Variants in EIF3F observed in about 807,000 individuals in gnomAD.
EIF3F encodes the protein eukaryotic translation initiation factor 3 subunit F.
In EIF3F, 8 loss-of-function variants were observed where a neutral mutation model predicts 36.0. The observed-to-expected ratio is 0.22, with a 90% CI of 0.13 to 0.40. The LOEUF (loss-of-function observed/expected upper bound fraction) is 0.40, where lower values mean the gene tolerates loss of function less well. Ranked by LOEUF, EIF3F falls within the 10% of genes least tolerant of loss-of-function variation. The pLI, the probability that EIF3F is intolerant of heterozygous loss-of-function variation, is 1.00. For synonymous variants in EIF3F, 184 were observed against 188.5 expected (o/e 0.98, Z 0.19); for missense variants, 430 against 467.6 (o/e 0.92, Z 0.74).
chr11:7,995,647 G>T, intron 7 of EIF3F: 1 of 580,260 alleles, frequency 1.7e-6, no homozygotes, highest in Non-Finnish European at 3.1e-6. Flanking sequence ...AAAATTCAGA[G>T]GTTAATGAAA....
intron 1 of EIF3F, among the ~76,000 whole-genome samples, chr11:7,988,157 A>G (rs948320020): frequency 1.3e-5 from 2 of 152,200 alleles, no homozygotes; most frequent in African/African-American, 4.8e-5. Flanking sequence ...CACTGACTAA[A>G]TGTCATCGTT....
In EIF3F at chr11:7,995,234, G is replaced by A. The variant is rs545828639; in HGVS notation, c.883-20G>A. On this transcript the variant is annotated intron_variant, in intron 6 of 7. Coordinates refer to ENST00000651655, the MANE Select transcript of EIF3F (RefSeq NM_003754.3). Reference sequence around the variant, plus strand: ...TGGTTATAATTAACTGCCTCATCGAGTCTTTGTTTTGGTACTCAGTCTGGA... The same window carrying A: ...TGGTTATAATTAACTGCCTCATCGAATCTTTGTTTTGGTACTCAGTCTGGA... 2 of 1,611,890 alleles carry A rather than the reference G, an allele frequency of 1.2e-6. No individual in the cohort carries two copies. Among genetic ancestry groups the A allele is most frequent in the African/African-American group, 2.7e-5 (2 of 75,012 alleles).
Position 7,996,195 on chromosome 11 carries a change from C to A in EIF3F, c.*173C>A. 1 of 584,272 alleles carries A rather than the reference C, an allele frequency of 1.7e-6. No homozygotes were observed. The highest frequency in any genetic ancestry group is 2.3e-5 in the South Asian group (1 of 43,158). 36.2% of individuals were successfully genotyped at this position (584,272 alleles called of 1,614,324 possible). A position where few individuals can be genotyped will look rare whatever the true frequency, so the allele number is the denominator to read the frequency against. The stretch of plus-strand genomic sequence containing the variant: ...AATTTCATCTTATGTGAGTTTATTG[C>A]CGGGTGGAAGGGAGGAAAATGTTTT... On this transcript the variant is annotated 3_prime_UTR_variant, in exon 8 of 8. Coordinates refer to ENST00000651655, the MANE Select transcript of EIF3F (RefSeq NM_003754.3).
In EIF3F at chr11:7,997,773, T is replaced by G. The variant is rs1051894461; in HGVS notation, c.*1751T>G. On this transcript the variant is annotated 3_prime_UTR_variant, in exon 8 of 8. Transcript: ENST00000651655. The stretch of plus-strand genomic sequence containing the variant: ...ACTTGTTTAGACATGCGGTTGGCTG[T>G]CTGTATATGTGGGTTCCACATCTAT... The G allele has an allele frequency of 3.9e-5, 6 of 152,206 alleles. No homozygotes were observed. Among genetic ancestry groups the G allele is most frequent in the Non-Finnish European group, 2.9e-5 (2 of 68,022 alleles). The allele number at this position is 152,206 out of a possible 1,614,324, so 9.4% of individuals were successfully genotyped here.
At position 7,998,375 on chromosome 11, in the gene EIF3F, A is replaced by C. The variant is rs986121433; in HGVS notation, c.*2353A>C. 2.0e-5 allele frequency: 3 copies of C among 152,268 alleles called. No homozygotes were observed. Among genetic ancestry groups the C allele is most frequent in the Non-Finnish European group, 4.4e-5 (3 of 68,064 alleles). The allele number at this position is 152,268 out of a possible 1,614,324, so 9.4% of individuals were successfully genotyped here. ...GCTTACCTCAGTTTCTCCAGGCGGC[A>C]CATCACAGTCTTCTTGCACTTAGGA... On this transcript the variant is annotated 3_prime_UTR_variant, in exon 8 of 8. Transcript: ENST00000651655.
At position 7,997,136 on chromosome 11, in the gene EIF3F, G is replaced by A. The variant is rs1032750806; in HGVS notation, c.*1114G>A. 6.6e-6 allele frequency: 1 copy of A among 152,190 alleles called. No individual in the cohort carries two copies. Among genetic ancestry groups the A allele is most frequent in the East Asian group, 1.9e-4 (1 of 5,206 alleles). The allele number at this position is 152,190 out of a possible 1,614,324, so 9.4% of individuals were successfully genotyped here. On this transcript the variant is annotated 3_prime_UTR_variant, in exon 8 of 8. Transcript: ENST00000651655. ...ATGTACCTCAGGAAATATAAGTTAT[G>A]GGAGTCATAAAGTGTGGATAGTAAT...
Position 7,994,563 on chromosome 11 carries a change from A to G in EIF3F, c.745+46A>G, listed in dbSNP as rs781502960. ...CTCGCGAGAGGCCATAGGCATTTTCAGGGAAGGGGGCTGCTAGTCTGCAAC... is the reference window on the plus strand; with the variant it reads ...CTCGCGAGAGGCCATAGGCATTTTCGGGGAAGGGGGCTGCTAGTCTGCAAC... On this transcript the variant is annotated intron_variant, in intron 5 of 7. Transcript: ENST00000651655. 1.9e-6 allele frequency: 3 copies of G among 1,563,154 alleles called. No homozygotes were observed. The South Asian group carries it at 3.4e-5, about 18-fold the overall frequency.
chr11:7,994,964 G>A lies in EIF3F; in HGVS notation c.746-18G>A, dbSNP rs1942144120. ...TGCCCACCACTGCCGCTGCCACCCTGCCAACCAACTTCCATAGTTGACCTG... is the reference window on the plus strand; with the variant it reads ...TGCCCACCACTGCCGCTGCCACCCTACCAACCAACTTCCATAGTTGACCTG... On this transcript the variant is annotated intron_variant, in intron 5 of 7. Coordinates refer to ENST00000651655, the MANE Select transcript of EIF3F (RefSeq NM_003754.3). The A allele has an allele frequency of 6.2e-7, 1 of 1,610,646 alleles. No homozygotes were observed. Among genetic ancestry groups the A allele is most frequent in the East Asian group, 2.2e-5 (1 of 44,818 alleles).
intron 5 of EIF3F, 62 bp downstream of exon 5, chr11:7,994,579 A>G: frequency 6.7e-7 from 1 of 1,494,894 alleles, no homozygotes. Context: ...GGGGGCTGCT[A>G]GTCTGCAACA....
In EIF3F at chr11:7,995,397, C is replaced by T. The variant is rs773615356; in HGVS notation, c.996+30C>T. ...GTGCCCTTCCTGAGCCCCTTCTTGC[C>T]TGGTTTCTTCCCCCACCTCAGCACA... On this transcript the variant is annotated intron_variant, in intron 7 of 7. Transcript: ENST00000651655. 5 of 1,556,306 alleles carry T rather than the reference C, an allele frequency of 3.2e-6. No individual in the cohort carries two copies. In the South Asian group the frequency reaches 5.6e-5, roughly 17 times the overall value.
At chr11:7,995,859 G>C (rs1942154401) in intron 7 of EIF3F, 86 bp from the exon 8 acceptor site, 1 of 1,027,758 alleles carries the variant, frequency 9.7e-7, no homozygotes, top group Admixed American at 1.7e-5. Context: ...CTCATACCCA[G>C]TGTCTACCAT....
At position 7,999,561 on chromosome 11, in the gene EIF3F, A is replaced by C. The variant is rs1002086467; in HGVS notation, c.*3539A>C. On this transcript the variant is annotated 3_prime_UTR_variant, in exon 8 of 8. Transcript: ENST00000651655. ...CTCCAAAAAATCCCTGCAGAGGGAA[A>C]CTAGCCCTTCCAGATATAAAATATA... 3 of 152,260 alleles carry C rather than the reference A, an allele frequency of 2.0e-5. No individual in the cohort carries two copies. The highest frequency in any genetic ancestry group is 7.2e-5 in the African/African-American group (3 of 41,470). The allele number at this position is 152,260 out of a possible 1,614,324, so 9.4% of individuals were successfully genotyped here.
At chr11:7,987,758 C>A in intron 1 of EIF3F, 42 bp downstream of exon 1, 1 of 1,452,864 alleles carries the variant, frequency 6.9e-7, no homozygotes. Flanking sequence ...CTTCCTCCCA[C>A]TTCTCATTTA....
intron 3 of EIF3F, 79 bp downstream of exon 3, chr11:7,992,242 C>G (rs977378925): frequency 9.8e-6 from 12 of 1,228,664 alleles, no homozygotes; most frequent in South Asian, 1.3e-5. Flanking sequence ...TGGACTGGAT[C>G]TTATACTCTT....
chr11:7,987,917 C>T, intron 1 of EIF3F: 1 of 733,248 alleles, frequency 1.4e-6, no homozygotes, highest in Non-Finnish European at 1.9e-6. Context: ...CTCTCTCCTG[C>T]CGGATTGCTG....
In EIF3F at chr11:7,998,064, A is replaced by C. The variant is rs954313877; in HGVS notation, c.*2042A>C. 3 of 151,964 alleles carry C rather than the reference A, an allele frequency of 2.0e-5. No individual in the cohort carries two copies. Among genetic ancestry groups the C allele is most frequent in the African/African-American group, 7.3e-5 (3 of 41,336 alleles). 9.4% of individuals were successfully genotyped at this position (151,964 alleles called of 1,614,324 possible). Reference sequence around the variant, plus strand: ...AGGAAGGTTCTGGAACCAATCCTCCACGGATACTAAACGGTGACTGTGTGT... The same window carrying C: ...AGGAAGGTTCTGGAACCAATCCTCCCCGGATACTAAACGGTGACTGTGTGT... On this transcript the variant is annotated 3_prime_UTR_variant, in exon 8 of 8. Transcript: ENST00000651655.
At chr11:7,993,063 CCCAGATG>C in intron 4 of EIF3F, 39 bp downstream of exon 4, 1 of 1,515,122 alleles carries the variant, frequency 6.6e-7, no homozygotes, top group Non-Finnish European at 8.8e-7. Flanking sequence ...TAAAACCATG[CCCAGATG>C]CCATCCCTCC....
chr11:7,990,900 T>TAAAA (rs71059142), intron 1 of EIF3F, among the ~76,000 whole-genome samples: 39,310 of 136,190 alleles, frequency 0.29, 6,561 homozygotes, highest in East Asian at 0.46. Context: ...AATAAATAAA[T>TAAAA]AAAAGAAATA....
Position 7,999,833 on chromosome 11 carries a change from A to G in EIF3F, c.*3811A>G, listed in dbSNP as rs1044770554. On this transcript the variant is annotated 3_prime_UTR_variant, in exon 8 of 8. Transcript: ENST00000651655. ...TATATCCAAAGGAAATGAAATCAGT[A>G]TGTTGAAGAGATACTTCCACGTTCA... 6.6e-6 allele frequency: 1 copy of G among 152,268 alleles called. No individual in the cohort carries two copies. Among genetic ancestry groups the G allele is most frequent in the Non-Finnish European group, 1.5e-5 (1 of 68,050 alleles). The allele number at this position is 152,268 out of a possible 1,614,324, so 9.4% of individuals were successfully genotyped here. A position where few individuals can be genotyped will look rare whatever the true frequency, so the allele number is the denominator to read the frequency against.
Sources: allele counts gnomAD v4.1 joint callset (sites outside exome capture counted in the v4.1 genomes callset), GRCh38; gene constraint gnomAD v4.1.1; transcripts MANE v1.5; gene names NCBI Gene and HGNC (gene_info 2026-07-23, HGNC 2026-07-21).